The following UTS2 variants were observed in gnomAD, a reference collection of about 807,000 sequenced individuals.
The protein encoded by UTS2 is urotensin-2.
UTS2 carries 10 observed loss-of-function variants against 12.6 expected under a neutral mutation model. That is an observed-to-expected ratio of 0.80 (90% CI 0.49 to 1.35). The LOEUF (loss-of-function observed/expected upper bound fraction) is 1.35, where lower values mean the gene tolerates loss of function less well. Among genes scored for constraint, UTS2 ranks in the 40% most tolerant of loss-of-function variants. The pLI, the probability that UTS2 is intolerant of heterozygous loss-of-function variation, is 0.00. For synonymous variants in UTS2, 52 were observed against 50.0 expected (o/e 1.04, Z -0.17); for missense variants, 142 against 143.2 (o/e 0.99, Z 0.04).
intron 1 of UTS2, among the ~76,000 whole-genome samples, chr1:7,851,230 A>G (rs1027362190): frequency 6.6e-6 from 1 of 152,160 alleles, no homozygotes; most frequent in African/African-American, 2.4e-5. Flanking sequence ...TTTTGGTTCA[A>G]AAAGTCTGAC....
At chr1:7,881,683 T>C in the UTS2 span, among the ~76,000 whole-genome samples, 2 of 152,286 alleles carry the variant, frequency 1.3e-5, no homozygotes, top group Middle Eastern at 3.4e-3. Context: ...GAAGAATTAA[T>C]ATTGTTAAAA....
chr1:7,892,122 C>A, the UTS2 span, among the ~76,000 whole-genome samples: 1 of 152,248 alleles, frequency 6.6e-6, no homozygotes, highest in African/African-American at 2.4e-5. Flanking sequence ...GACAGCAGCG[C>A]TGCAGAACGC....
the UTS2 span, among the ~76,000 whole-genome samples, chr1:7,880,330 A>G: frequency 1.3e-5 from 2 of 151,874 alleles, no homozygotes; most frequent in African/African-American, 2.4e-5. Flanking sequence ...AGACTTAAAA[A>G]ATCACAAAGG....
the UTS2 span, among the ~76,000 whole-genome samples, chr1:7,868,872 G>C: frequency 3.3e-5 from 5 of 152,178 alleles, no homozygotes; most frequent in African/African-American, 1.2e-4. Context: ...CCCATGATGG[G>C]ATTAGTGCCC....
chr1:7,902,110 G>T, the UTS2 span, among the ~76,000 whole-genome samples: 1 of 152,110 alleles, frequency 6.6e-6, no homozygotes, highest in African/African-American at 2.4e-5. Flanking sequence ...TCTGGGTAGG[G>T]AGGACTGCGG....
the UTS2 span, among the ~76,000 whole-genome samples, chr1:7,876,008 C>T: frequency 2.6e-5 from 4 of 152,194 alleles, no homozygotes; most frequent in Admixed American, 1.3e-4. Context: ...GCCTAGGGAT[C>T]GATCCACCTC....
chr1:7,860,028 A>G, the UTS2 span, among the ~76,000 whole-genome samples: 3 of 151,268 alleles, frequency 2.0e-5, no homozygotes, highest in African/African-American at 7.3e-5. Context: ...ATATATAGCA[A>G]TGAGGAGACG....
chr1:7,905,112 A>G, the UTS2 span, among the ~76,000 whole-genome samples: 2 of 150,272 alleles, frequency 1.3e-5, no homozygotes, highest in Non-Finnish European at 3.0e-5. Flanking sequence ...CTGTGAGGGT[A>G]TCTTTTTTTT....
chr1:7,893,363 C>A, the UTS2 span, among the ~76,000 whole-genome samples: 1 of 151,992 alleles, frequency 6.6e-6, no homozygotes, highest in Non-Finnish European at 1.5e-5. Flanking sequence ...TTAGCCAGTG[C>A]GGTGGCACCT....
the UTS2 span, among the ~76,000 whole-genome samples, chr1:7,872,067 C>T: frequency 6.6e-6 from 1 of 151,846 alleles, no homozygotes; most frequent in Non-Finnish European, 1.5e-5. Context: ...TTTGGGAGGC[C>T]GAGGCGGGTG....
upstream of UTS2, among the ~76,000 whole-genome samples, chr1:7,857,107 TGAAGGAAG>T (rs1157152578): frequency 3.2e-5 from 4 of 125,368 alleles, no homozygotes; most frequent in South Asian, 5.5e-4. Flanking sequence ...AGAAAAGGAA[TGAAGGAAG>T]GAAGGAAGGA....
the UTS2 span, among the ~76,000 whole-genome samples, chr1:7,905,277 C>A: frequency 0.011 from 1,612 of 151,730 alleles, 34 homozygotes; most frequent in African/African-American, 0.037. Flanking sequence ...CTGCGAGTAG[C>A]TGGGATTACA....
the UTS2 span, among the ~76,000 whole-genome samples, chr1:7,894,690 T>A: frequency 1.3e-5 from 2 of 152,000 alleles, no homozygotes; most frequent in Non-Finnish European, 2.9e-5. Flanking sequence ...ATTTTTGCAA[T>A]AAAAAATATG....
At chr1:7,895,093 G>A in the UTS2 span, among the ~76,000 whole-genome samples, 1 of 152,150 alleles carries the variant, frequency 6.6e-6, no homozygotes, top group Admixed American at 6.5e-5. Context: ...CCTAGGCCTG[G>A]CACGGTGGCT....
At chr1:7,858,945 G>A in the UTS2 span, among the ~76,000 whole-genome samples, 5 of 152,326 alleles carry the variant, frequency 3.3e-5, no homozygotes, top group Admixed American at 3.3e-4. Flanking sequence ...TCCATGAAGA[G>A]AAATTGATAG....
chr1:7,902,802 T>C, the UTS2 span, among the ~76,000 whole-genome samples: 1 of 152,128 alleles, frequency 6.6e-6, no homozygotes. Flanking sequence ...TGGTTTCAGG[T>C]AAGTCGCTGA....
chr1:7,899,574 A>G, the UTS2 span, among the ~76,000 whole-genome samples: 1 of 152,106 alleles, frequency 6.6e-6, no homozygotes, highest in Non-Finnish European at 1.5e-5. Flanking sequence ...TGGCGTGATC[A>G]TGACTCACTG....
chr1:7,898,616 C>T, the UTS2 span, among the ~76,000 whole-genome samples: 1 of 152,052 alleles, frequency 6.6e-6, no homozygotes, highest in Admixed American at 6.6e-5. Flanking sequence ...GCTGAGACTA[C>T]AGGTGCCTGC....
the UTS2 span, among the ~76,000 whole-genome samples, chr1:7,877,126 C>CAAAAAAAAAAAAAA: frequency 1.6e-5 from 1 of 62,806 alleles, no homozygotes; most frequent in East Asian, 5.2e-4. Context: ...GAGACTCTAT[C>CAAAAAAAAAAAAAA]AAAAAAAAAA....
Sources: gnomAD v4.1 joint callset for allele counts (sites outside exome capture counted in the v4.1 genomes callset) on GRCh38, gnomAD v4.1.1 for gene constraint, MANE v1.5 for transcripts, NCBI Gene and HGNC (gene_info 2026-07-23, HGNC 2026-07-21) for gene names.